Variants in USP6NL observed in about 807,000 individuals in gnomAD.
USP6NL encodes the protein USP6 N-terminal like.
A neutral mutation model predicts 61.9 loss-of-function variants in USP6NL; 26 were observed. The observed-to-expected ratio is 0.42, with a 90% confidence interval of 0.31 to 0.58. The LOEUF (loss-of-function observed/expected upper bound fraction) is 0.58. Among genes scored for constraint, USP6NL ranks in the 20% least tolerant of loss-of-function variants. USP6NL has a pLI of 0.16. For missense variants in USP6NL, 1,114 were observed against 1,034.3 expected, an observed-to-expected ratio of 1.08 and a Z score of -1.06; for synonymous variants, 432 against 390.1, an observed-to-expected ratio of 1.11 and a Z score of -1.27.
chr10:11,527,260 C>T (rs1835457196), intron 3 of USP6NL, among the ~76,000 whole-genome samples: 1 of 152,104 alleles, frequency 6.6e-6, no homozygotes, highest in Non-Finnish European at 1.5e-5. Context: ...GTAGAGGAAA[C>T]AGCCAGTGCA....
intron 2 of USP6NL, among the ~76,000 whole-genome samples, chr10:11,583,843 C>T (rs779808247): frequency 2.6e-5 from 4 of 152,092 alleles, no homozygotes; most frequent in African/African-American, 7.2e-5. Context: ...GCCTGGCCAA[C>T]GTGGCAAAAC....
intron 2 of USP6NL, among the ~76,000 whole-genome samples, chr10:11,568,292 G>C (rs1837239628): frequency 1.3e-5 from 2 of 152,090 alleles, no homozygotes; most frequent in African/African-American, 4.8e-5. Context: ...ATTAGAATAT[G>C]AATGTCAATG....
At position 11,476,492 on chromosome 10, in the gene USP6NL, CA is replaced by C. The variant is rs1248964903; in HGVS notation, c.1078+5277del. ...AATAAAAAAGTTTCAAAAAATGTTT[CA>C]ACAGCAACTACAAAACATACAGAAA... is the stretch of plus-strand genomic sequence containing the variant. On this transcript the variant is annotated intron_variant, in intron 14 of 14. Transcript: ENST00000609104. The surrounding 1 kb of genome is among the most constrained non-coding windows in gnomAD (Gnocchi z 4.3). Among the ~76,000 whole-genome samples, 1 of 152,094 alleles carries C rather than the reference CA, an allele frequency of 6.6e-6. No homozygotes were observed. Among genetic ancestry groups the C allele is most frequent in the Non-Finnish European group, 1.5e-5 (1 of 68,002 alleles).
intron 2 of USP6NL, among the ~76,000 whole-genome samples, chr10:11,584,234 T>A (rs1837890825): frequency 6.6e-6 from 1 of 152,154 alleles, no homozygotes; most frequent in African/African-American, 2.4e-5. Context: ...CATTTAGCTC[T>A]GTGTGTATAG....
At chr10:11,560,938 C>T (rs940019272) in intron 2 of USP6NL, among the ~76,000 whole-genome samples, 2 of 151,746 alleles carry the variant, frequency 1.3e-5, no homozygotes, top group African/African-American at 4.8e-5. Context: ...AGCAGATACA[C>T]TAATAATGTA....
At chr10:11,563,356 T>A (rs1345207417) in intron 2 of USP6NL, 2 of 152,106 alleles carry the variant, frequency 1.3e-5, no homozygotes, top group Non-Finnish European at 2.9e-5. Context: ...TAACCTTGGT[T>A]CTGATGACGG....
intron 2 of USP6NL, 40 bp from the exon 3 acceptor site, chr10:11,527,607 A>G: frequency 6.5e-7 from 1 of 1,532,672 alleles, no homozygotes; most frequent in Non-Finnish European, 8.9e-7. Context: ...TTGTCATTGA[A>G]AGAATCGTAA....
rs1835495593 is a variant in USP6NL at position 11,528,134 on chromosome 10, C to G, written c.5-567G>C. ...GTGTGTGGACACACACACAGACACA[C>G]ACACACACACACACACACACACACA... On this transcript the variant is annotated intron_variant, in intron 2 of 14. Coordinates refer to ENST00000609104, the MANE Select transcript of USP6NL (RefSeq NM_014688.5). The surrounding 1 kb of genome is among the most constrained non-coding windows in gnomAD (Gnocchi z 4.6). 2.7e-5 allele frequency among the ~76,000 whole-genome samples: 4 copies of G among 150,424 alleles called. No homozygotes were observed. The highest frequency in any genetic ancestry group is 2.1e-4 in the South Asian group (1 of 4,780).
intron 2 of USP6NL, among the ~76,000 whole-genome samples, chr10:11,534,755 C>A (rs1835772926): frequency 6.6e-6 from 1 of 152,132 alleles, no homozygotes; most frequent in African/African-American, 2.4e-5. Flanking sequence ...TGTTTCCTTC[C>A]CTACACACCT....
In USP6NL at chr10:11,596,435, C is replaced by A. The variant is rs1838329979; in HGVS notation, c.4+1196G>T. ...AGGAGATCGAGACCATCCTGACTAACACGGTGAAACCCCGTCTCTACTAAA... is the reference window on the plus strand; with the variant it reads ...AGGAGATCGAGACCATCCTGACTAAAACGGTGAAACCCCGTCTCTACTAAA... On this transcript the variant is annotated intron_variant, in intron 2 of 14. Coordinates refer to ENST00000609104, the MANE Select transcript of USP6NL (RefSeq NM_014688.5). This position sits in a 1 kb window ranked among gnomAD's most constrained non-coding sequence, Gnocchi z 4.1. 6.6e-6 allele frequency among the ~76,000 whole-genome samples: 1 copy of A among 151,924 alleles called. No homozygotes were observed. Among genetic ancestry groups the A allele is most frequent in the Non-Finnish European group, 1.5e-5 (1 of 67,978 alleles).
intron 2 of USP6NL, 141 bp from the exon 3 acceptor site, chr10:11,527,708 T>C (rs1591890608): frequency 7.7e-6 from 6 of 782,276 alleles, no homozygotes; most frequent in African/African-American, 7.0e-5. Context: ...AAAGGATGAG[T>C]TAAGTATTTG....
rs1836368124 is a variant in USP6NL, at chr10:11,548,617, T to C, written c.5-21050A>G. Among the ~76,000 whole-genome samples the C allele has an allele frequency of 6.6e-6, 1 of 152,156 alleles. No individual in the cohort carries two copies. Among genetic ancestry groups the C allele is most frequent in the Non-Finnish European group, 1.5e-5 (1 of 67,994 alleles). On this transcript the variant is annotated intron_variant, in intron 2 of 14. Transcript: ENST00000609104. The surrounding 1 kb of genome is among the most constrained non-coding windows in gnomAD (Gnocchi z 4.3). ...AACAATTGTAACTAAATTTTCACCC[T>C]AGCCACTGAAAAACTGCTGAATAAG...
Position 11,525,456 on chromosome 10 carries a change from C to G in USP6NL, c.85G>C (p.Ala29Pro). Residue 29 changes from alanine to proline, a missense_variant, in exon 4 of 15, where the codon GCA becomes CCA. By Grantham distance (27) the Ala-to-Pro change is conservative (BLOSUM62 -1). Coordinates refer to ENST00000609104, the MANE Select transcript of USP6NL (RefSeq NM_014688.5). This position sits in a 1 kb window ranked among gnomAD's most constrained non-coding sequence, Gnocchi z 5.0. ...VAKYDRGREGAEIEPWEDADY... is the reference protein window; with the variant it reads ...VAKYDRGREGPEIEPWEDADY... The stretch of plus-strand genomic sequence containing the variant: ...GCATCTTCCCAAGGTTCAATCTCTG[C>G]ACCTTCTCGTCCCTAAAATAAGGCA... The G allele has an allele frequency of 6.3e-7, 1 of 1,592,424 alleles. No homozygotes were observed. Among genetic ancestry groups the G allele is most frequent in the Non-Finnish European group, 8.5e-7 (1 of 1,173,820 alleles).
chr10:11,472,761 T>A (rs554652581), intron 14 of USP6NL, among the ~76,000 whole-genome samples: 3 of 152,330 alleles, frequency 2.0e-5, no homozygotes, highest in South Asian at 4.1e-4. Context: ...CTTTCTAAAG[T>A]ATGGCTATAA....
intron 2 of USP6NL, among the ~76,000 whole-genome samples, chr10:11,593,709 G>C (rs886363577): frequency 6.6e-6 from 1 of 152,162 alleles, no homozygotes; most frequent in Non-Finnish European, 1.5e-5. Flanking sequence ...ATATCCACCA[G>C]AATAAAAGCG....
chr10:11,461,304 T>C lies in USP6NL; in HGVS notation c.*1137A>G, dbSNP rs1047530888. On this transcript the variant is annotated 3_prime_UTR_variant, in exon 15 of 15. Coordinates refer to ENST00000609104, the MANE Select transcript of USP6NL (RefSeq NM_014688.5). ...GATGTTCAAAAGCATGAAATCACACTGTATTTTTTAAAAGATCAAAATCCT... is the reference window on the plus strand; with the variant it reads ...GATGTTCAAAAGCATGAAATCACACCGTATTTTTTAAAAGATCAAAATCCT... The C allele has an allele frequency of 2.6e-5, 4 of 152,252 alleles. No individual in the cohort carries two copies. The highest frequency in any genetic ancestry group is 2.0e-4 in the Admixed American group (3 of 15,276). The allele number at this position is 152,252 out of a possible 1,614,324, so 9.4% of individuals were successfully genotyped here.
rs1015726405 is a variant in USP6NL at position 11,493,237 on chromosome 10, A to G, written c.385-9T>C. 1.3e-6 allele frequency: 2 copies of G among 1,594,716 alleles called. No homozygotes were observed. The highest frequency in any genetic ancestry group is 1.3e-5 in the African/African-American group (1 of 74,660). ...GCTCTGTGTTTTAATTTCTGAAGAG[A>G]GAAAGAGAGAACAGAACAGATTTTT... On this transcript the variant is annotated splice_polypyrimidine_tract_variant and intron_variant, in intron 7 of 14. Transcript: ENST00000609104.
intron 2 of USP6NL, among the ~76,000 whole-genome samples, chr10:11,544,289 A>G (rs1036769058): frequency 3.3e-5 from 5 of 152,172 alleles, no homozygotes; most frequent in East Asian, 1.9e-4. Context: ...CTTGTCCCCA[A>G]TGCTGCCCTT....
chr10:11,516,566 A>C (rs1401439752), intron 5 of USP6NL, among the ~76,000 whole-genome samples: 1 of 152,176 alleles, frequency 6.6e-6, no homozygotes, highest in Non-Finnish European at 1.5e-5. Flanking sequence ...CTAAGTTCTC[A>C]TTCCACTTTA....
Sources: gnomAD v4.1 joint callset for allele counts (sites outside exome capture counted in the v4.1 genomes callset) on GRCh38, gnomAD v4.1.1 for gene constraint, Gnocchi (gnomAD v3.1) non-coding constraint, MANE v1.5 for transcripts, NCBI Gene and HGNC (gene_info 2026-07-23, HGNC 2026-07-21) for gene names.